TMEM108: variants seen among roughly 807,000 people sequenced by gnomAD.
The protein encoded by TMEM108 is cancer/testis antigen 124.
TMEM108 carries 12 observed loss-of-function variants against 35.1 expected under a neutral mutation model. That is an observed-to-expected ratio of 0.34 (90% CI 0.22 to 0.55). TMEM108 has a LOEUF of 0.55. Ranked by LOEUF, TMEM108 falls within the 20% of genes least tolerant of loss-of-function variation. The probability of loss-of-function intolerance (pLI) is 0.89; values close to 1 mark genes in which losing one functional copy is unlikely to be tolerated. For missense variants in TMEM108, 680 were observed against 753.3 expected (o/e 0.90, Z 1.14); for synonymous variants, 287 against 308.6 (o/e 0.93, Z 0.73).
chr3:133,170,796 G>A (rs1438649982), intron 2 of TMEM108, among the ~76,000 whole-genome samples: 1 of 152,146 alleles, frequency 6.6e-6, no homozygotes, highest in Non-Finnish European at 1.5e-5. Flanking sequence ...AGGAATAGAT[G>A]CCTTCAAAAA....
chr3:133,123,564 TTGC>T (rs1267462024), intron 2 of TMEM108, among the ~76,000 whole-genome samples: 26 of 152,296 alleles, frequency 1.7e-4, no homozygotes, highest in South Asian at 6.2e-4. Flanking sequence ...TGACATTCTG[TTGC>T]TGCTGTATTT....
intron 2 of TMEM108, among the ~76,000 whole-genome samples, chr3:133,070,268 C>G (rs771077766): frequency 6.6e-6 from 1 of 152,026 alleles, no homozygotes; most frequent in African/African-American, 2.4e-5. Context: ...AGATATTGTG[C>G]CTGTCTTCTG....
intron 1 of TMEM108, among the ~76,000 whole-genome samples, chr3:133,043,640 TC>T (rs1376885002): frequency 6.6e-6 from 1 of 152,190 alleles, no homozygotes; most frequent in Non-Finnish European, 1.5e-5. Flanking sequence ...TGACTTGATT[TC>T]CAGATGTTCA....
At chr3:133,332,897 C>T (rs2071414586) in intron 3 of TMEM108, among the ~76,000 whole-genome samples, 1 of 152,180 alleles carries the variant, frequency 6.6e-6, no homozygotes, top group African/African-American at 2.4e-5. Flanking sequence ...TTGTAGTGCT[C>T]CAAGTATCAG....
intron 2 of TMEM108, among the ~76,000 whole-genome samples, chr3:133,141,716 C>CACAAATA (rs1944643613): frequency 6.6e-6 from 1 of 152,036 alleles, no homozygotes; most frequent in Non-Finnish European, 1.5e-5. Flanking sequence ...TACCACAAGG[C>CACAAATA]CCAAACAATA....
chr3:133,116,388 C>T (rs995470893), intron 2 of TMEM108, among the ~76,000 whole-genome samples: 4 of 151,846 alleles, frequency 2.6e-5, no homozygotes, highest in African/African-American at 9.7e-5. Flanking sequence ...GTTATAACAA[C>T]TTAGTATGAG....
chr3:133,329,663 TTTATTTTTTTAA>T (rs1406944603), intron 3 of TMEM108, among the ~76,000 whole-genome samples: 3 of 152,200 alleles, frequency 2.0e-5, no homozygotes, highest in African/African-American at 7.2e-5. Context: ...CTTTTTTTTA[TTTATTTTTTTAA>T]GGCAAAGAAA....
At chr3:133,344,322 T>C (rs1392274097) in intron 3 of TMEM108, among the ~76,000 whole-genome samples, 5 of 151,742 alleles carry the variant, frequency 3.3e-5, no homozygotes, top group African/African-American at 1.2e-4. Context: ...AATTCAAATA[T>C]CGATTGCACA....
chr3:133,065,455 T>C (rs1188637226), intron 2 of TMEM108, among the ~76,000 whole-genome samples: 2 of 152,192 alleles, frequency 1.3e-5, no homozygotes, highest in East Asian at 3.8e-4. Flanking sequence ...GACCTAGTTT[T>C]GATATTTTGT....
intron 2 of TMEM108, among the ~76,000 whole-genome samples, chr3:133,198,569 A>G (rs145365750): frequency 6.6e-6 from 1 of 152,234 alleles, no homozygotes; most frequent in South Asian, 2.1e-4. Context: ...CAGTTTGGCC[A>G]GGGGATCTTA....
intron 3 of TMEM108, among the ~76,000 whole-genome samples, chr3:133,238,754 A>C (rs1185601595): frequency 6.6e-6 from 1 of 152,192 alleles, no homozygotes; most frequent in African/African-American, 2.4e-5. Flanking sequence ...TTTTTCCTGT[A>C]GTTGAGGAAG....
intron 3 of TMEM108, among the ~76,000 whole-genome samples, chr3:133,236,340 A>T (rs1324838953): frequency 6.6e-6 from 1 of 152,040 alleles, no homozygotes; most frequent in African/African-American, 2.4e-5. Flanking sequence ...GAAGAAGGAG[A>T]AAAAAGAACT....
intron 2 of TMEM108, among the ~76,000 whole-genome samples, chr3:133,136,194 A>G (rs1453153227): frequency 1.3e-5 from 2 of 152,156 alleles, no homozygotes; most frequent in Non-Finnish European, 1.5e-5. Flanking sequence ...GTGTTTTGCA[A>G]AATTATTGCT....
intron 2 of TMEM108, among the ~76,000 whole-genome samples, chr3:133,168,940 A>C (rs1945086643): frequency 6.6e-6 from 1 of 152,186 alleles, no homozygotes; most frequent in Non-Finnish European, 1.5e-5. Context: ...GAAGGTCTGC[A>C]GCTTCAATCC....
In TMEM108 at chr3:133,380,496, C is replaced by A; in HGVS notation, c.785C>A (p.Thr262Asn). The change falls in exon 4 of 6, where the codon ACC (threonine) becomes AAC (asparagine). Residue 262 changes from threonine (T) to asparagine (N), a missense_variant. Transcript: ENST00000321871. The surrounding 1 kb of genome is among the most constrained non-coding windows in gnomAD (Gnocchi z 5.3). ...GCTGCGACCACAGTGCCCAGCAATA[C>A]CTCATGGGCACCCACCACCACCTCC... The part of the protein sequence containing the change: ...TVAATTVPSN[T>N]SWAPTTTSLG... 3 of 1,613,930 alleles carry A rather than the reference C, an allele frequency of 1.9e-6. No individual in the cohort carries two copies. The highest frequency in any genetic ancestry group is 2.5e-6 in the Non-Finnish European group (3 of 1,179,974).
At chr3:133,301,007 C>CGT (rs1947217274) in intron 3 of TMEM108, among the ~76,000 whole-genome samples, 2 of 66,354 alleles carry the variant, frequency 3.0e-5, no homozygotes, top group Admixed American at 1.8e-4. Context: ...CACACACACA[C>CGT]ACACACACAC....
intron 2 of TMEM108, among the ~76,000 whole-genome samples, chr3:133,220,199 A>C (rs1945969535): frequency 6.8e-6 from 1 of 148,074 alleles, no homozygotes; most frequent in African/African-American, 2.5e-5. Flanking sequence ...CTTCACTTTC[A>C]TTTTGTATGT....
At chr3:133,079,491 C>T (rs1293368032) in intron 2 of TMEM108, among the ~76,000 whole-genome samples, 9 of 152,122 alleles carry the variant, frequency 5.9e-5, no homozygotes, top group South Asian at 2.1e-4. Flanking sequence ...GATGAGGGTC[C>T]GCTTCTGGTT....
chr3:133,064,711 T>G (rs976276176), intron 2 of TMEM108, among the ~76,000 whole-genome samples: 1 of 130,412 alleles, frequency 7.7e-6, no homozygotes, highest in African/African-American at 3.0e-5. Context: ...AAATAAACCT[T>G]TTTTTTTTTT....
Sources: allele counts gnomAD v4.1 joint callset (sites outside exome capture counted in the v4.1 genomes callset), GRCh38; gene constraint gnomAD v4.1.1; non-coding constraint Gnocchi (gnomAD v3.1); transcripts MANE v1.5; gene names NCBI Gene and HGNC (gene_info 2026-07-23, HGNC 2026-07-21).